NCOA1: variants seen among roughly 807,000 people sequenced by gnomAD.
NCOA1 encodes nuclear receptor coactivator 1.
NCOA1 carries 35 observed loss-of-function variants against 150.9 expected under a neutral mutation model. The ratio of observed to expected loss-of-function variants is 0.23; its 90% CI spans 0.18 to 0.31. The LOEUF is 0.31. NCOA1 is among the 10% of genes least tolerant of loss of function. NCOA1 has a pLI of 1.00. For missense variants in NCOA1, 1,491 were observed against 1,749.3 expected, an observed-to-expected ratio of 0.85 and a Z score of 2.63; for synonymous variants, 590 against 630.0, an observed-to-expected ratio of 0.94 and a Z score of 0.95.
intron 2 of NCOA1, among the ~76,000 whole-genome samples, chr2:24,565,782 C>T (rs1269791836): frequency 6.6e-6 from 1 of 152,216 alleles, no homozygotes; most frequent in Non-Finnish European, 1.5e-5. Flanking sequence ...CAGCCAGGCA[C>T]GCTGGCTGTG....
intron 1 of NCOA1, among the ~76,000 whole-genome samples, chr2:24,534,690 C>G (rs1479257787): frequency 3.3e-5 from 5 of 152,088 alleles, no homozygotes; most frequent in African/African-American, 4.8e-5. Context: ...TTATTTCTGC[C>G]TTCATTTCGT....
At chr2:24,535,291 T>A (rs569455954) in intron 1 of NCOA1, among the ~76,000 whole-genome samples, 12 of 152,294 alleles carry the variant, frequency 7.9e-5, no homozygotes, top group East Asian at 7.7e-4. Flanking sequence ...TTTTTTGCTT[T>A]CCATTTGCTT....
chr2:24,498,778 T>C (rs753017870), intron 1 of NCOA1, among the ~76,000 whole-genome samples: 7 of 152,156 alleles, frequency 4.6e-5, no homozygotes, highest in Non-Finnish European at 8.8e-5. Flanking sequence ...TATGTAGATA[T>C]GGATGAAAAT....
At chr2:24,755,260 C>G (rs1664443793) in intron 20 of NCOA1, among the ~76,000 whole-genome samples, 1 of 152,224 alleles carries the variant, frequency 6.6e-6, no homozygotes, top group South Asian at 2.1e-4. Flanking sequence ...TTTTCATTAT[C>G]TCTCTGGTGG....
In NCOA1 at chr2:24,729,687, G is replaced by A; in HGVS notation, c.3073G>A (p.Val1025Ile). The part of the protein sequence containing the change: ...KPSLGTMPVQ[V>I]TPPRGAFSPG... The stretch of plus-strand genomic sequence containing the variant: ...TTCACTGGGGACGATGCCTGTTCAA[G>A]TAACACCTCCCCGAGGTGCTTTTTC... The change falls in exon 17 of 23, where the codon GTA becomes ATA. Residue 1025 changes from valine to isoleucine, a missense_variant. Coordinates refer to ENST00000348332, the MANE Select transcript of NCOA1 (RefSeq NM_003743.5). 1 of 1,614,176 alleles carries A rather than the reference G, an allele frequency of 6.2e-7. No individual in the cohort carries two copies. Among genetic ancestry groups the A allele is most frequent in the Non-Finnish European group, 8.5e-7 (1 of 1,180,038 alleles).
chr2:24,674,123 A>ATGTGTGTGTGTG (rs146841550), intron 7 of NCOA1, among the ~76,000 whole-genome samples: 97 of 145,596 alleles, frequency 6.7e-4, no homozygotes, highest in Admixed American at 1.1e-3. Context: ...ATATGTATGT[A>ATGTGTGTGTGTG]TGTGTGTGTG....
At chr2:24,676,111 T>C (rs1224523360) in intron 7 of NCOA1, among the ~76,000 whole-genome samples, 1 of 152,090 alleles carries the variant, frequency 6.6e-6, no homozygotes, top group East Asian at 1.9e-4. Context: ...GGCAGTGGGG[T>C]CACCTCAAGT....
intron 4 of NCOA1, among the ~76,000 whole-genome samples, chr2:24,653,953 C>T (rs1670814286): frequency 6.6e-6 from 1 of 152,026 alleles, no homozygotes; most frequent in Admixed American, 6.5e-5. Context: ...AGAATTGATG[C>T]TTCATTATTA....
At chr2:24,614,327 C>G (rs1016271762) in intron 3 of NCOA1, among the ~76,000 whole-genome samples, 1 of 148,560 alleles carries the variant, frequency 6.7e-6, no homozygotes, top group Non-Finnish European at 1.5e-5. Context: ...AGGGGATCCT[C>G]CCACCTCAAC....
intron 3 of NCOA1, among the ~76,000 whole-genome samples, chr2:24,592,216 A>G (rs924401122): frequency 1.3e-5 from 2 of 152,206 alleles, no homozygotes; most frequent in Non-Finnish European, 2.9e-5. Context: ...TTAAAACAAT[A>G]GGTACCGTTA....
At chr2:24,497,313 T>G (rs138355538) in intron 1 of NCOA1, among the ~76,000 whole-genome samples, 317 of 152,182 alleles carry the variant, frequency 2.1e-3, no homozygotes, top group Non-Finnish European at 3.8e-3. Flanking sequence ...TTGTGGAGAC[T>G]CCTGCAGTCT....
At chr2:24,763,504 C>T (rs1326484557) in intron 22 of NCOA1, among the ~76,000 whole-genome samples, 2 of 126,084 alleles carry the variant, frequency 1.6e-5, no homozygotes, top group Admixed American at 1.8e-4. Flanking sequence ...CACGCCACTG[C>T]ATTCCAGCCT....
chr2:24,552,343 ATATATATATATTTTTTTTTTTTTT>A (rs1665877900), intron 1 of NCOA1, among the ~76,000 whole-genome samples: 2 of 28,852 alleles, frequency 6.9e-5, no homozygotes, highest in African/African-American at 1.4e-4. Context: ...ATATATATAT[ATATATATATATTTTTTTTTTTTTT>A]TTTTTTTTTT....
intron 3 of NCOA1, among the ~76,000 whole-genome samples, chr2:24,636,409 T>C (rs1669940274): frequency 6.6e-6 from 1 of 152,208 alleles, no homozygotes; most frequent in African/African-American, 2.4e-5. Flanking sequence ...ACAATTGATA[T>C]TTTTATATTC....
chr2:24,757,594 G>GAT (rs147314212), intron 20 of NCOA1, among the ~76,000 whole-genome samples: 4,159 of 150,708 alleles, frequency 0.028, 59 homozygotes, highest in African/African-American at 0.041. Context: ...ATTTATTGAA[G>GAT]ATATATATAT....
chr2:24,689,048 G>A (rs1357029995), intron 8 of NCOA1, among the ~76,000 whole-genome samples: 1 of 152,150 alleles, frequency 6.6e-6, no homozygotes, highest in African/African-American at 2.4e-5. Context: ...TCAAAGATCA[G>A]ATGGCTGTAG....
At chr2:24,518,176 A>C (rs1664282695) in intron 1 of NCOA1, among the ~76,000 whole-genome samples, 2 of 152,192 alleles carry the variant, frequency 1.3e-5, no homozygotes, top group East Asian at 3.8e-4. Context: ...AGATTGGTTT[A>C]ACGTTAAAAA....
intron 6 of NCOA1, 59 bp downstream of exon 6, chr2:24,665,974 T>C: frequency 9.4e-7 from 1 of 1,060,612 alleles, no homozygotes; most frequent in Non-Finnish European, 1.2e-6. Context: ...ATTTATAATA[T>C]GTGATTTTAC....
intron 2 of NCOA1, among the ~76,000 whole-genome samples, chr2:24,580,227 G>T (rs1374272248): frequency 6.6e-6 from 1 of 152,120 alleles, no homozygotes. Context: ...ATTGCTTTGG[G>T]TTTATCCTGT....
Sources: gnomAD v4.1 joint callset for allele counts (sites outside exome capture counted in the v4.1 genomes callset) on GRCh38, gnomAD v4.1.1 for gene constraint, MANE v1.5 for transcripts, NCBI Gene and HGNC (gene_info 2026-07-23, HGNC 2026-07-21) for gene names.